Variants in PRKD1 observed in about 807,000 individuals in gnomAD.
PRKD1 encodes protein kinase D1.
In PRKD1, 63 loss-of-function variants were observed where a neutral mutation model predicts 95.9. The ratio of observed to expected loss-of-function variants is 0.66; its 90% CI spans 0.54 to 0.81. The LOEUF (loss-of-function observed/expected upper bound fraction) is 0.81, where lower values mean the gene tolerates loss of function less well. PRKD1 is among the 30% of genes least tolerant of loss of function. The pLI is 0.00. For synonymous variants in PRKD1, 425 were observed against 423.1 expected, an observed-to-expected ratio of 1.00 and a Z score of -0.05; for missense variants, 1,048 against 1,165.3, an observed-to-expected ratio of 0.90 and a Z score of 1.47.
chr14:29,708,727 T>A (rs1040420795), intron 2 of PRKD1, among the ~76,000 whole-genome samples: 2 of 152,050 alleles, frequency 1.3e-5, no homozygotes, highest in South Asian at 4.1e-4. Context: ...GTGGCTCGCA[T>A]GCCAGTAGTC....
intron 7 of PRKD1, 61 bp from the exon 8 acceptor site, chr14:29,634,602 T>G: frequency 1.3e-6 from 2 of 1,597,076 alleles, no homozygotes; most frequent in East Asian, 4.5e-5. Context: ...TGTATTTTCA[T>G]GCATAAAACC....
chr14:29,857,277 T>C (rs1892541588), intron 1 of PRKD1, among the ~76,000 whole-genome samples: 1 of 152,038 alleles, frequency 6.6e-6, no homozygotes, highest in Non-Finnish European at 1.5e-5. Context: ...ATGAACCCTA[T>C]CCACACTACC....
At chr14:29,718,717 T>A (rs1885742707) in intron 2 of PRKD1, among the ~76,000 whole-genome samples, 1 of 152,188 alleles carries the variant, frequency 6.6e-6, no homozygotes, top group Non-Finnish European at 1.5e-5. Flanking sequence ...GACACTTAGA[T>A]GTCCAAGTAC....
intron 13 of PRKD1, among the ~76,000 whole-genome samples, chr14:29,620,019 GC>G (rs1189991730): frequency 6.6e-6 from 1 of 151,442 alleles, no homozygotes; most frequent in Non-Finnish European, 1.5e-5. Flanking sequence ...AAATGACGCC[GC>G]ATATCTACAA....
intron 1 of PRKD1, among the ~76,000 whole-genome samples, chr14:29,780,587 A>C (rs925512038): frequency 1.3e-5 from 2 of 152,236 alleles, no homozygotes; most frequent in African/African-American, 4.8e-5. Context: ...AACCACAATC[A>C]GATACCAGCT....
chr14:29,821,687 C>A (rs1412974496), intron 1 of PRKD1, among the ~76,000 whole-genome samples: 1 of 152,180 alleles, frequency 6.6e-6, no homozygotes, highest in Non-Finnish European at 1.5e-5. Context: ...CAAACTAATT[C>A]TTGAACACAT....
chr14:29,667,673 A>T (rs1207802736), intron 2 of PRKD1, among the ~76,000 whole-genome samples: 1 of 152,196 alleles, frequency 6.6e-6, no homozygotes, highest in Non-Finnish European at 1.5e-5. Context: ...ATAATTAAAG[A>T]GAAAACTTTA....
intron 4 of PRKD1, among the ~76,000 whole-genome samples, chr14:29,662,927 G>GT (rs1250267510): frequency 1.3e-5 from 2 of 150,876 alleles, no homozygotes; most frequent in Non-Finnish European, 3.0e-5. Flanking sequence ...TTCAGAATGT[G>GT]TTTTTATTTT....
intron 1 of PRKD1, among the ~76,000 whole-genome samples, chr14:29,848,513 G>A (rs1594574264): frequency 6.6e-6 from 1 of 151,694 alleles, no homozygotes; most frequent in Non-Finnish European, 1.5e-5. Flanking sequence ...AAGACCTTAA[G>A]TTGACACCTC....
intron 2 of PRKD1, among the ~76,000 whole-genome samples, chr14:29,681,076 A>G (rs1393162493): frequency 6.6e-6 from 1 of 152,256 alleles, no homozygotes; most frequent in Non-Finnish European, 1.5e-5. Flanking sequence ...GAAACAAAAA[A>G]GGTGACAGAG....
intron 1 of PRKD1, among the ~76,000 whole-genome samples, chr14:29,808,693 AG>A (rs1942832279): frequency 6.6e-6 from 1 of 151,854 alleles, no homozygotes; most frequent in Admixed American, 6.6e-5. Context: ...AACCACCTTC[AG>A]GTTCTACTTC....
chr14:29,696,959 C>A (rs1042176671), intron 2 of PRKD1, among the ~76,000 whole-genome samples: 1 of 152,102 alleles, frequency 6.6e-6, no homozygotes, highest in Non-Finnish European at 1.5e-5. Context: ...ATAGTGACAA[C>A]CATGGGATGC....
intron 1 of PRKD1, among the ~76,000 whole-genome samples, chr14:29,824,290 T>C (rs1318276595): frequency 6.6e-6 from 1 of 152,188 alleles, no homozygotes; most frequent in African/African-American, 2.4e-5. Flanking sequence ...ATAATGCTTG[T>C]CCAAGTTTCT....
chr14:29,877,258 G>A (rs1257932304), intron 1 of PRKD1, among the ~76,000 whole-genome samples: 2 of 152,342 alleles, frequency 1.3e-5, no homozygotes, highest in Admixed American at 1.3e-4. Flanking sequence ...TGGTAGGGAT[G>A]TAAAATGTTG....
intron 1 of PRKD1, among the ~76,000 whole-genome samples, chr14:29,826,826 T>TACAC (rs1310237149): frequency 1.4e-4 from 3 of 21,198 alleles, no homozygotes; most frequent in African/African-American, 4.4e-4. Flanking sequence ...CATATATATA[T>TACAC]ATATATATAT....
intron 2 of PRKD1, among the ~76,000 whole-genome samples, chr14:29,715,888 A>G (rs1408179789): frequency 1.3e-5 from 2 of 152,204 alleles, no homozygotes; most frequent in African/African-American, 2.4e-5. Flanking sequence ...AATAAGCCAC[A>G]TGCGTTTTAG....
intron 6 of PRKD1, chr14:29,638,171 C>A: frequency 3.4e-6 from 1 of 292,076 alleles, no homozygotes; most frequent in Non-Finnish European, 6.4e-6. Flanking sequence ...AACTTGTAGG[C>A]AGCCCAACAA....
chr14:29,755,249 T>C (rs1887645185), intron 1 of PRKD1, among the ~76,000 whole-genome samples: 1 of 152,158 alleles, frequency 6.6e-6, no homozygotes, highest in Non-Finnish European at 1.5e-5. Context: ...ATTCTGATCC[T>C]TCCATTTTTT....
intron 1 of PRKD1, among the ~76,000 whole-genome samples, chr14:29,767,369 C>T (rs185042366): frequency 5.3e-4 from 81 of 152,172 alleles, no homozygotes; most frequent in Admixed American, 3.5e-3. Context: ...ATAATCTATG[C>T]GGCTTAAATT....
Sources: allele counts gnomAD v4.1 joint callset (sites outside exome capture counted in the v4.1 genomes callset), GRCh38; gene constraint gnomAD v4.1.1; transcripts MANE v1.5; gene names NCBI Gene and HGNC (gene_info 2026-07-23, HGNC 2026-07-21).